Variants in NPSR1 observed in about 807,000 individuals in gnomAD.
NPSR1 encodes neuropeptide S receptor.
Under a neutral mutation model 46.9 loss-of-function variants are expected in NPSR1, and 48 were observed. The observed-to-expected ratio is 1.02, with a 90% CI of 0.81 to 1.30. The LOEUF (loss-of-function observed/expected upper bound fraction) is 1.30. Ranked by LOEUF, NPSR1 falls within the 50% of genes most tolerant of loss-of-function variation. The probability of loss-of-function intolerance (pLI) is 0.00; values close to 1 mark genes in which losing one functional copy is unlikely to be tolerated. For synonymous variants in NPSR1, 176 were observed against 168.1 expected (o/e 1.05, Z -0.36); for missense variants, 450 against 449.5 (o/e 1.00, Z -0.01).
intron 3 of NPSR1, among the ~76,000 whole-genome samples, chr7:34,795,227 C>CA (rs1299480381): frequency 4.0e-5 from 6 of 151,850 alleles, no homozygotes; most frequent in Non-Finnish European, 7.4e-5. Flanking sequence ...ATTATGATTT[C>CA]AAAAAAAATT....
rs527835350 is a variant in NPSR1 at position 34,682,942 on chromosome 7, G to A, written c.148-1610G>A. Among the ~76,000 whole-genome samples, 3 of 152,096 alleles carry A rather than the reference G, an allele frequency of 2.0e-5. No individual in the cohort carries two copies. In the South Asian group the frequency reaches 6.2e-4, roughly 32 times the overall value. ...ATGCTGGACACGATATATCTGCAGA[G>A]CTCTCCAACCCTGTCATCCTCCCAC... On this transcript the variant is annotated intron_variant, in intron 1 of 8. Transcript: ENST00000360581.
intron 8 of NPSR1, among the ~76,000 whole-genome samples, chr7:34,862,704 T>C (rs570788793): frequency 6.6e-6 from 1 of 151,878 alleles, no homozygotes; most frequent in South Asian, 2.1e-4. Flanking sequence ...GCAAATCCAT[T>C]GCTTATTCCA....
downstream of NPSR1, among the ~76,000 whole-genome samples, chr7:34,851,985 T>C (rs1790945257): frequency 6.6e-6 from 1 of 152,110 alleles, no homozygotes; most frequent in African/African-American, 2.4e-5. Context: ...TGGAGAAACA[T>C]GATTTAAGCA....
At chr7:34,676,895 A>G (rs1792348823) in intron 1 of NPSR1, among the ~76,000 whole-genome samples, 1 of 152,118 alleles carries the variant, frequency 6.6e-6, no homozygotes, top group Admixed American at 6.5e-5. Context: ...GGAGGTGGGG[A>G]GGGTTTGATT....
chr7:34,740,534 A>C (rs1369873997), intron 2 of NPSR1, among the ~76,000 whole-genome samples: 6 of 152,208 alleles, frequency 3.9e-5, no homozygotes, highest in Non-Finnish European at 1.5e-5. Context: ...GAGGCAAGGC[A>C]GAAATGGCTT....
chr7:34,863,050 C>G (rs527809673), intron 8 of NPSR1, among the ~76,000 whole-genome samples: 1 of 151,858 alleles, frequency 6.6e-6, no homozygotes, highest in East Asian at 1.9e-4. Context: ...ACCTATGGAA[C>G]AGAACAGAGG....
In NPSR1 at chr7:34,859,807, A is replaced by C. The variant is rs553526524; in HGVS notation, c.1025+11144A>C. On this transcript the variant is annotated intron_variant, in intron 8 of 8. Transcript: ENST00000359791. ...AACATGGAAATCTGTATTTATAGCA[A>C]CTCACCCAGGCGATTCATCCAGGTG... 6.6e-5 allele frequency among the ~76,000 whole-genome samples: 10 copies of C among 151,606 alleles called. 1 individual carries two copies. Among genetic ancestry groups the C allele is most frequent in the African/African-American group, 2.2e-4 (9 of 41,022 alleles).
At chr7:34,746,276 T>C (rs1410946919) in intron 2 of NPSR1, among the ~76,000 whole-genome samples, 3 of 152,358 alleles carry the variant, frequency 2.0e-5, no homozygotes, top group East Asian at 3.9e-4. Context: ...CCCTTATCCA[T>C]AGTTTCACTT....
intron 2 of NPSR1, among the ~76,000 whole-genome samples, chr7:34,776,989 A>G (rs1002656294): frequency 1.3e-4 from 20 of 152,048 alleles, no homozygotes; most frequent in Admixed American, 1.3e-3. Context: ...TCCTTTCCTT[A>G]AGTGGAAGAA....
chr7:34,877,364 C>T (rs1266099567), intron 8 of NPSR1, among the ~76,000 whole-genome samples: 2 of 152,182 alleles, frequency 1.3e-5, no homozygotes, highest in African/African-American at 4.8e-5. Flanking sequence ...CTCCTGCCTC[C>T]TTGCAGACAG....
intron 1 of NPSR1, among the ~76,000 whole-genome samples, chr7:34,670,897 C>T (rs1792017436): frequency 6.6e-6 from 1 of 151,972 alleles, no homozygotes; most frequent in African/African-American, 2.4e-5. Context: ...GAGAGTAAAT[C>T]AGAACAACTT....
chr7:34,708,605 T>C (rs1794226423), intron 2 of NPSR1, among the ~76,000 whole-genome samples: 1 of 152,100 alleles, frequency 6.6e-6, no homozygotes, highest in Non-Finnish European at 1.5e-5. Flanking sequence ...AAGGAAAAAT[T>C]AGATTTTTCT....
intron 2 of NPSR1, among the ~76,000 whole-genome samples, chr7:34,694,280 T>C (rs927038154): frequency 2.0e-5 from 3 of 152,222 alleles, no homozygotes; most frequent in Non-Finnish European, 4.4e-5. Context: ...AAAAGACTCC[T>C]AGACTTAACA....
chr7:34,728,084 A>G (rs976109309), intron 2 of NPSR1, among the ~76,000 whole-genome samples: 1 of 150,106 alleles, frequency 6.7e-6, no homozygotes, highest in African/African-American at 2.4e-5. Flanking sequence ...AGTTTTTTTT[A>G]TTATTATTAT....
At chr7:34,797,850 G>T (rs1195064880) in intron 3 of NPSR1, among the ~76,000 whole-genome samples, 1 of 152,096 alleles carries the variant, frequency 6.6e-6, no homozygotes, top group Non-Finnish European at 1.5e-5. Context: ...AATCAGCCAA[G>T]TAAGAAGATA....
intron 2 of NPSR1, among the ~76,000 whole-genome samples, chr7:34,746,786 G>T (rs10270663): frequency 0.3 from 46,098 of 151,970 alleles, 7,505 homozygotes; most frequent in East Asian, 0.43. Flanking sequence ...CCAAGAATGG[G>T]AAAGAGTGAG....
chr7:34,851,549 T>G (rs1790935554), downstream of NPSR1, among the ~76,000 whole-genome samples: 2 of 152,178 alleles, frequency 1.3e-5, no homozygotes, highest in African/African-American at 4.8e-5. Flanking sequence ...TTTTCAACAT[T>G]TCACTTTAAA....
chr7:34,827,243 A>G (rs892899122), intron 4 of NPSR1, among the ~76,000 whole-genome samples, 158 bp from the exon 5 acceptor site: 3 of 152,226 alleles, frequency 2.0e-5, no homozygotes, highest in Non-Finnish European at 4.4e-5. Context: ...GTATGGAGAT[A>G]CTGTATCCCT....
intron 3 of NPSR1, among the ~76,000 whole-genome samples, chr7:34,794,394 A>C (rs1313105674): frequency 6.6e-6 from 1 of 152,162 alleles, no homozygotes; most frequent in Non-Finnish European, 1.5e-5. Flanking sequence ...AGAAACGTTA[A>C]GAAAGGAATA....
Sources: allele counts gnomAD v4.1 joint callset (sites outside exome capture counted in the v4.1 genomes callset), GRCh38; gene constraint gnomAD v4.1.1; transcripts MANE v1.5; gene names NCBI Gene and HGNC (gene_info 2026-07-23, HGNC 2026-07-21).